Variants in DKK2 observed in about 807,000 individuals in gnomAD.
DKK2 encodes the protein dickkopf-related protein 2.
DKK2 carries 11 observed loss-of-function variants against 28.1 expected under a neutral mutation model. The ratio of observed to expected loss-of-function variants is 0.39; its 90% CI spans 0.25 to 0.65. The LOEUF is 0.65. Ranked by LOEUF, DKK2 falls within the 30% of genes least tolerant of loss-of-function variation. The pLI, the probability that DKK2 is intolerant of heterozygous loss-of-function variation, is 0.47. For missense variants in DKK2, 326 were observed against 335.5 expected (o/e 0.97, Z 0.22); for synonymous variants, 135 against 126.5 (o/e 1.07, Z -0.45).
At chr4:107,025,075 G>A (rs1446190114) in intron 1 of DKK2, among the ~76,000 whole-genome samples, 1 of 152,150 alleles carries the variant, frequency 6.6e-6, no homozygotes, top group Non-Finnish European at 1.5e-5. Flanking sequence ...CAGGCAAAGA[G>A]GTCCATCCCT....
intron 1 of DKK2, among the ~76,000 whole-genome samples, chr4:106,971,850 T>C (rs1722872150): frequency 6.6e-6 from 1 of 152,066 alleles, no homozygotes; most frequent in Non-Finnish European, 1.5e-5. Flanking sequence ...GAGTAAATAC[T>C]CATTAGAGGT....
chr4:107,000,160 T>G (rs1435122472), intron 1 of DKK2, among the ~76,000 whole-genome samples: 5 of 152,212 alleles, frequency 3.3e-5, no homozygotes, highest in Non-Finnish European at 7.3e-5. Context: ...ATTGGCTCTA[T>G]GTCCAATAAA....
At chr4:106,938,601 A>G (rs1042440264) in intron 1 of DKK2, among the ~76,000 whole-genome samples, 2 of 152,190 alleles carry the variant, frequency 1.3e-5, no homozygotes, top group African/African-American at 2.4e-5. Flanking sequence ...ATCCTCCCTA[A>G]CTCTTTTTAT....
rs567516119 is a variant in DKK2 at position 107,006,964 on chromosome 4, G to A, written c.222+28406C>T. On this transcript the variant is annotated intron_variant, in intron 1 of 3. Transcript: ENST00000285311. ...TAACACAACAAACATGTCGAACATC[G>A]ATAGACTCAGAACACTTTTCAAAAG... Among the ~76,000 whole-genome samples, 5 of 151,704 alleles carry A rather than the reference G, an allele frequency of 3.3e-5. No homozygotes were observed. The East Asian group carries it at 9.7e-4, about 29-fold the overall frequency.
intron 1 of DKK2, among the ~76,000 whole-genome samples, chr4:107,016,362 C>T (rs1410748600): frequency 2.6e-5 from 4 of 151,842 alleles, no homozygotes; most frequent in African/African-American, 9.7e-5. Flanking sequence ...TTTCCCTGCC[C>T]TGGCCGTGAC....
At chr4:107,033,755 G>A (rs1002066136) in intron 1 of DKK2, among the ~76,000 whole-genome samples, 1 of 152,142 alleles carries the variant, frequency 6.6e-6, no homozygotes, top group Admixed American at 6.5e-5. Flanking sequence ...AGCATTAGAG[G>A]AGTCATGATT....
At chr4:106,999,452 T>C (rs1242132814) in intron 1 of DKK2, among the ~76,000 whole-genome samples, 1 of 152,196 alleles carries the variant, frequency 6.6e-6, no homozygotes, top group Non-Finnish European at 1.5e-5. Flanking sequence ...GTTCAAGTGA[T>C]TCTCCTGCCT....
At chr4:106,993,792 T>A (rs984016207) in intron 1 of DKK2, among the ~76,000 whole-genome samples, 22 of 152,204 alleles carry the variant, frequency 1.4e-4, no homozygotes, top group Non-Finnish European at 2.9e-4. Context: ...ACTGAAGTTG[T>A]TCACCATCCA....
At position 106,923,807 on chromosome 4, in the gene DKK2, C is replaced by T; in HGVS notation, c.*147G>A. The T allele has an allele frequency of 8.8e-7, 1 of 1,139,452 alleles. No homozygotes were observed. Among genetic ancestry groups the T allele is most frequent in the South Asian group, 1.6e-5 (1 of 63,040 alleles). 70.6% of individuals were successfully genotyped at this position (1,139,452 alleles called of 1,614,324 possible). A position where few individuals can be genotyped will look rare whatever the true frequency, so the allele number is the denominator to read the frequency against. ...TTCTAATCTATTCAGTTCATGTTTT[C>T]TTTCTCCCTTTTTGTGATCATCTAT... is the stretch of plus-strand genomic sequence containing the variant. On this transcript the variant is annotated 3_prime_UTR_variant, in exon 4 of 4. Transcript: ENST00000285311.
At chr4:106,991,087 A>C (rs1216713829) in intron 1 of DKK2, among the ~76,000 whole-genome samples, 1 of 152,204 alleles carries the variant, frequency 6.6e-6, no homozygotes, top group Non-Finnish European at 1.5e-5. Context: ...CTTTTGAAAA[A>C]AGAGTTTTAG....
At chr4:106,952,926 C>T (rs1018084968) in intron 1 of DKK2, among the ~76,000 whole-genome samples, 9 of 152,048 alleles carry the variant, frequency 5.9e-5, no homozygotes, top group Non-Finnish European at 1.0e-4. Flanking sequence ...TTCATCTTCC[C>T]CTCGTATGTT....
At chr4:106,956,713 A>T (rs1158318314) in intron 1 of DKK2, among the ~76,000 whole-genome samples, 2 of 152,110 alleles carry the variant, frequency 1.3e-5, no homozygotes, top group African/African-American at 4.8e-5. Flanking sequence ...AGAAAGCTGA[A>T]GCTGGATCCC....
At chr4:106,925,102 C>G (rs1724406757) in intron 2 of DKK2, among the ~76,000 whole-genome samples, 1 of 152,182 alleles carries the variant, frequency 6.6e-6, no homozygotes, top group African/African-American at 2.4e-5. Flanking sequence ...GTAAACTTCT[C>G]TAATGGTGTG....
intron 1 of DKK2, among the ~76,000 whole-genome samples, chr4:106,951,615 G>A (rs917981866): frequency 6.6e-6 from 1 of 152,136 alleles, no homozygotes; most frequent in African/African-American, 2.4e-5. Context: ...ATACATGAGA[G>A]CTAAAAAAGT....
At chr4:107,026,947 A>G (rs1450774429) in intron 1 of DKK2, among the ~76,000 whole-genome samples, 1 of 152,220 alleles carries the variant, frequency 6.6e-6, no homozygotes, top group East Asian at 1.9e-4. Context: ...AACAGAGAGA[A>G]AAGAGAACTG....
intron 1 of DKK2, among the ~76,000 whole-genome samples, chr4:106,995,682 G>A (rs913749267): frequency 6.6e-6 from 1 of 152,016 alleles, no homozygotes; most frequent in African/African-American, 2.4e-5. Flanking sequence ...GCGCGATCTC[G>A]GCTCACTGCA....
At chr4:106,960,926 C>T (rs1406453134) in intron 1 of DKK2, among the ~76,000 whole-genome samples, 1 of 152,048 alleles carries the variant, frequency 6.6e-6, no homozygotes, top group Non-Finnish European at 1.5e-5. Flanking sequence ...CATAGGCCTG[C>T]TCTACTTGAG....
At chr4:106,959,280 T>A (rs1722651978) in intron 1 of DKK2, among the ~76,000 whole-genome samples, 1 of 152,164 alleles carries the variant, frequency 6.6e-6, no homozygotes, top group Non-Finnish European at 1.5e-5. Context: ...AAAGCTCATT[T>A]TATTAAGCTG....
At chr4:106,962,145 G>A (rs1232391962) in intron 1 of DKK2, among the ~76,000 whole-genome samples, 1 of 152,070 alleles carries the variant, frequency 6.6e-6, no homozygotes, top group Admixed American at 6.6e-5. Context: ...ATCCATTACA[G>A]TACTATTAGC....
Sources: gnomAD v4.1 joint callset for allele counts (sites outside exome capture counted in the v4.1 genomes callset) on GRCh38, gnomAD v4.1.1 for gene constraint, MANE v1.5 for transcripts, NCBI Gene and HGNC (gene_info 2026-07-23, HGNC 2026-07-21) for gene names.